The following ADAMTS3 variants were observed in gnomAD, a reference collection of about 807,000 sequenced individuals.
The protein encoded by ADAMTS3 is A disintegrin and metalloproteinase with thrombospondin motifs 3.
In ADAMTS3, 73 loss-of-function variants were observed where a neutral mutation model predicts 129.0. The ratio of observed to expected loss-of-function variants is 0.57; its 90% CI spans 0.47 to 0.69. The LOEUF (loss-of-function observed/expected upper bound fraction) is 0.69, where lower values mean the gene tolerates loss of function less well. Among genes scored for constraint, ADAMTS3 ranks in the 30% least tolerant of loss-of-function variants. ADAMTS3 has a pLI of 0.00. For missense variants in ADAMTS3, 1,457 were observed against 1,514.5 expected (o/e 0.96, Z 0.63); for synonymous variants, 477 against 510.8 (o/e 0.93, Z 0.89).
rs764480800 is a variant in ADAMTS3, at chr4:72,318,752, AT to A, written c.1353-49del. The A allele has an allele frequency of 5.7e-6, 9 of 1,573,458 alleles. No individual in the cohort carries two copies. The Admixed American group carries it at 1.6e-4, about 28-fold the overall frequency. On this transcript the variant is annotated intron_variant, in intron 9 of 21. Coordinates refer to ENST00000286657, the MANE Select transcript of ADAMTS3 (RefSeq NM_014243.3). ...TGTAGTTAAATGTTCACTTAAAAAA[AT>A]CATGTCCTGATTTAAAAAAAAGTAG... is the stretch of plus-strand genomic sequence containing the variant.
At chr4:72,445,361 T>C (rs190852270) in intron 3 of ADAMTS3, among the ~76,000 whole-genome samples, 1 of 151,748 alleles carries the variant, frequency 6.6e-6, no homozygotes, top group African/African-American at 2.4e-5. Flanking sequence ...ACTCTTCTCC[T>C]GAGTCTAAAG....
In ADAMTS3 at chr4:72,319,888, G is replaced by A. The variant is rs1446007405; in HGVS notation, c.1178C>T (p.Ala393Val). The A allele has an allele frequency of 1.7e-5, 28 of 1,613,766 alleles. 1 individual carries two copies. The South Asian group carries it at 2.2e-4, about 13-fold the overall frequency. Residue 393 changes from alanine to valine, a missense_variant, in exon 8 of 22, where the codon GCT (alanine) becomes GTT (valine). Coordinates refer to ENST00000286657, the MANE Select transcript of ADAMTS3 (RefSeq NM_014243.3). ...GCCCGTTTCATGGGCTACTACAAAA[G>A]CAGATGAAAAACCATCCTCATGATT... ...TLNHEDGFSSAFVVAHETGHV... is the reference protein window; with the variant it reads ...TLNHEDGFSSVFVVAHETGHV...
intron 4 of ADAMTS3, among the ~76,000 whole-genome samples, chr4:72,358,278 C>A (rs888644112): frequency 6.6e-6 from 1 of 151,954 alleles, no homozygotes; most frequent in African/African-American, 2.4e-5. Context: ...ATAAAACCAG[C>A]TGTCATTCCA....
Position 72,312,492 on chromosome 4 carries a change from G to A in ADAMTS3, c.1746-26C>T, listed in dbSNP as rs545779986. ...CTAAAGAAAAGACAACATTTAAAAA[G>A]GCCTTTTGGCTTCTGTCTAGCAGTT... On this transcript the variant is annotated intron_variant, in intron 12 of 21. Transcript: ENST00000286657. 9.2e-4 allele frequency: 1,485 copies of A among 1,610,018 alleles called. 23 individuals carry two copies. In the South Asian group the frequency reaches 0.016, roughly 17 times the overall value.
At chr4:72,325,802 CTTAGAAT>C (rs1273973529) in intron 5 of ADAMTS3, among the ~76,000 whole-genome samples, 1 of 151,878 alleles carries the variant, frequency 6.6e-6, no homozygotes, top group Admixed American at 6.6e-5. Context: ...AACAGAAAGT[CTTAGAAT>C]AATAAAATGA....
intron 4 of ADAMTS3, among the ~76,000 whole-genome samples, chr4:72,402,528 C>T (rs956172014): frequency 1.3e-5 from 2 of 152,036 alleles, no homozygotes; most frequent in African/African-American, 2.4e-5. Context: ...CTAATAAGTG[C>T]TTTAGTTTTC....
chr4:72,434,242 T>C (rs1397265137), intron 3 of ADAMTS3, among the ~76,000 whole-genome samples: 1 of 151,760 alleles, frequency 6.6e-6, no homozygotes, highest in Admixed American at 6.6e-5. Flanking sequence ...GCAATAGCAA[T>C]GCCAATTTAC....
intron 2 of ADAMTS3, among the ~76,000 whole-genome samples, chr4:72,561,201 T>C (rs568746965): frequency 6.6e-6 from 1 of 152,104 alleles, no homozygotes; most frequent in Admixed American, 6.5e-5. Flanking sequence ...ATACAAAAAT[T>C]AGCCGGCGTG....
chr4:72,422,613 A>G (rs1722474900), intron 3 of ADAMTS3, among the ~76,000 whole-genome samples: 1 of 152,154 alleles, frequency 6.6e-6, no homozygotes, highest in Non-Finnish European at 1.5e-5. Flanking sequence ...TCTTCCAGCT[A>G]CATCACTCAA....
chr4:72,318,492 G>A lies in ADAMTS3; in HGVS notation c.1485+80C>T. On this transcript the variant is annotated intron_variant, in intron 10 of 21. Coordinates refer to ENST00000286657, the MANE Select transcript of ADAMTS3 (RefSeq NM_014243.3). ...TAGATATTATTATACTTGCACCAGT[G>A]AGTCTGTAAATCTCACCAAGCAGGA... 4.1e-6 allele frequency: 6 copies of A among 1,452,998 alleles called. No individual in the cohort carries two copies. The Admixed American group carries it at 9.6e-5, about 23-fold the overall frequency. The allele number at this position is 1,452,998 out of a possible 1,614,324, so 90.0% of individuals were successfully genotyped here.
At position 72,312,284 on chromosome 4, in the gene ADAMTS3, T is replaced by C. The variant is rs199868478; in HGVS notation, c.1921+7A>G. The C allele has an allele frequency of 1.1e-5, 18 of 1,613,276 alleles. No individual in the cohort carries two copies. The highest frequency in any genetic ancestry group is 1.5e-5 in the Non-Finnish European group (18 of 1,179,554). ...CACAGCAGGAAGGAGAGCACGAGGC[T>C]ACTCACGGTCAGGATGTTCATATGG... On this transcript the variant is annotated splice_region_variant and intron_variant, in intron 13 of 21. Coordinates refer to ENST00000286657, the MANE Select transcript of ADAMTS3 (RefSeq NM_014243.3).
chr4:72,506,053 T>C lies in ADAMTS3; in HGVS notation c.504+42425A>G, dbSNP rs1317639137. ...GCATGAGGCAGAGAGGGCACCCCCA[T>C]ACCCAGATCTCTGCACAGAAAGATG... On this transcript the variant is annotated intron_variant, in intron 3 of 21. Transcript: ENST00000286657. 1.3e-5 allele frequency among the ~76,000 whole-genome samples: 2 copies of C among 152,178 alleles called. 1 individual carries two copies.
At chr4:72,458,046 C>T (rs1487483280) in intron 3 of ADAMTS3, among the ~76,000 whole-genome samples, 1 of 151,536 alleles carries the variant, frequency 6.6e-6, no homozygotes, top group Non-Finnish European at 1.5e-5. Flanking sequence ...TCCAGAGTGA[C>T]ATGGTAGCAG....
intron 3 of ADAMTS3, among the ~76,000 whole-genome samples, chr4:72,530,357 A>AAC (rs1416731135): frequency 2.3e-5 from 2 of 85,140 alleles, no homozygotes; most frequent in African/African-American, 4.9e-5. Context: ...ATATTAAATT[A>AAC]ATATATAAAT....
At chr4:72,566,898 T>A (rs555200160) in intron 2 of ADAMTS3, among the ~76,000 whole-genome samples, 1 of 152,342 alleles carries the variant, frequency 6.6e-6, no homozygotes, top group Non-Finnish European at 1.5e-5. Flanking sequence ...TAAAGCAGAT[T>A]GAATAACAGA....
intron 2 of ADAMTS3, among the ~76,000 whole-genome samples, chr4:72,550,023 A>G (rs76713135): frequency 0.011 from 30 of 2,610 alleles, 2 homozygotes; most frequent in East Asian, 0.026. Flanking sequence ...GAAGAAGAAG[A>G]AGAAGAAGAA....
chr4:72,451,594 G>A (rs978464008), intron 3 of ADAMTS3, among the ~76,000 whole-genome samples: 1 of 151,722 alleles, frequency 6.6e-6, no homozygotes, highest in South Asian at 2.1e-4. Context: ...TGTAACTACA[G>A]ACACAGAAAT....
At chr4:72,320,637 G>A in intron 7 of ADAMTS3, 77 bp downstream of exon 7, 1 of 1,476,292 alleles carries the variant, frequency 6.8e-7, no homozygotes, top group Non-Finnish European at 9.3e-7. Flanking sequence ...CAGAACATTT[G>A]AACAGACTGC....
intron 2 of ADAMTS3, among the ~76,000 whole-genome samples, chr4:72,555,264 C>T (rs1245540192): frequency 6.6e-6 from 1 of 151,348 alleles, no homozygotes; most frequent in Non-Finnish European, 1.5e-5. Context: ...GCACTCTGCC[C>T]CTTATTTCTT....
Sources: allele counts gnomAD v4.1 joint callset (sites outside exome capture counted in the v4.1 genomes callset), GRCh38; gene constraint gnomAD v4.1.1; transcripts MANE v1.5; gene names NCBI Gene and HGNC (gene_info 2026-07-23, HGNC 2026-07-21).